STPG2: variants seen among roughly 807,000 people sequenced by gnomAD.
STPG2 encodes sperm-tail PG-rich repeat-containing protein 2.
Under a neutral mutation model 54.2 loss-of-function variants are expected in STPG2, and 56 were observed. The observed-to-expected ratio is 1.03, with a 90% CI of 0.83 to 1.29. The LOEUF is 1.29. Ranked by LOEUF, STPG2 falls within the 50% of genes most tolerant of loss-of-function variation. The pLI, the probability that STPG2 is intolerant of heterozygous loss-of-function variation, is 0.00. For synonymous variants in STPG2, 200 were observed against 181.8 expected (o/e 1.10, Z -0.81); for missense variants, 596 against 544.9 (o/e 1.09, Z -0.93).
At chr4:97,742,735 T>G in intron 9 of STPG2, among the ~76,000 whole-genome samples, 1 of 126,320 alleles carries the variant, frequency 7.9e-6, no homozygotes, top group East Asian at 2.3e-4. Context: ...AAAAACAGAG[T>G]AAAACAGTTG....
chr4:97,947,751 A>G (rs1436061316), intron 7 of STPG2, among the ~76,000 whole-genome samples: 1 of 152,088 alleles, frequency 6.6e-6, no homozygotes, highest in East Asian at 1.9e-4. Context: ...CCTTGAATGA[A>G]GCCCACTTGT....
At chr4:97,602,825 G>A (rs1733498678) in intron 10 of STPG2, among the ~76,000 whole-genome samples, 1 of 151,696 alleles carries the variant, frequency 6.6e-6, no homozygotes. Context: ...ATTGAGAGAA[G>A]TTAAAGTGCA....
chr4:97,758,898 C>G (rs991861076), intron 9 of STPG2, among the ~76,000 whole-genome samples: 1 of 149,568 alleles, frequency 6.7e-6, no homozygotes, highest in Non-Finnish European at 1.5e-5. Context: ...GATGGAAAAA[C>G]AGAAAAAAAA....
intron 10 of STPG2, among the ~76,000 whole-genome samples, chr4:97,623,204 G>C (rs1734057836): frequency 6.6e-6 from 1 of 151,996 alleles, no homozygotes; most frequent in Admixed American, 6.6e-5. Context: ...ATAGGACCTG[G>C]CAAAGATTTC....
intron 4 of STPG2, among the ~76,000 whole-genome samples, chr4:97,451,291 T>C (rs1056703023): frequency 1.3e-5 from 2 of 152,100 alleles, no homozygotes; most frequent in Non-Finnish European, 2.9e-5. Flanking sequence ...GACAGAAATA[T>C]GCCCATTATA....
chr4:97,663,432 TTTA>T (rs1722430123), intron 10 of STPG2, among the ~76,000 whole-genome samples: 1 of 152,208 alleles, frequency 6.6e-6, no homozygotes, highest in African/African-American at 2.4e-5. Flanking sequence ...CTAAAATTTG[TTTA>T]TAAGAGAAAA....
At chr4:97,560,979 C>A (rs1172894195) in intron 10 of STPG2, among the ~76,000 whole-genome samples, 1 of 152,132 alleles carries the variant, frequency 6.6e-6, no homozygotes, top group Admixed American at 6.5e-5. Context: ...AATGGGATGG[C>A]CGGGTCAAAT....
At chr4:97,879,058 C>T (rs1426711499) in intron 8 of STPG2, among the ~76,000 whole-genome samples, 2 of 152,160 alleles carry the variant, frequency 1.3e-5, no homozygotes, top group South Asian at 2.1e-4. Flanking sequence ...TAAAACATAG[C>T]AAGAGTCACC....
chr4:97,584,656 A>T (rs142060932), intron 10 of STPG2, among the ~76,000 whole-genome samples: 76 of 152,142 alleles, frequency 5.0e-4, no homozygotes, highest in Non-Finnish European at 9.6e-4. Context: ...AAAACAGAGA[A>T]GATCCAAATA....
intron 10 of STPG2, among the ~76,000 whole-genome samples, chr4:97,579,760 A>G (rs752238951): frequency 1.5e-4 from 23 of 151,992 alleles, no homozygotes; most frequent in Non-Finnish European, 3.2e-4. Context: ...ATGGAGCTTG[A>G]TTTTCTCTCA....
At chr4:97,911,521 G>T (rs986791838) in intron 8 of STPG2, among the ~76,000 whole-genome samples, 1 of 152,188 alleles carries the variant, frequency 6.6e-6, no homozygotes, top group Non-Finnish European at 1.5e-5. Context: ...AGTCTGGGTG[G>T]TCCAGATTGG....
At chr4:98,073,634 G>C (rs1255346069) in intron 5 of STPG2, among the ~76,000 whole-genome samples, 2 of 152,140 alleles carry the variant, frequency 1.3e-5, no homozygotes, top group African/African-American at 4.8e-5. Flanking sequence ...GGCTGAGACA[G>C]GAGAATTGCT....
At chr4:98,121,817 G>A (rs1739689538) in intron 3 of STPG2, among the ~76,000 whole-genome samples, 1 of 152,094 alleles carries the variant, frequency 6.6e-6, no homozygotes, top group Non-Finnish European at 1.5e-5. Context: ...CACCTCCAGG[G>A]TTCAAGCAAT....
intron 2 of STPG2, among the ~76,000 whole-genome samples, chr4:98,130,196 G>C (rs935090590): frequency 1.4e-5 from 2 of 144,076 alleles, no homozygotes; most frequent in Non-Finnish European, 3.0e-5. Context: ...GAGGGCGGGG[G>C]ACAAAGTCTC....
chr4:98,042,219 T>TG (rs1051374025), intron 5 of STPG2, among the ~76,000 whole-genome samples: 1 of 125,070 alleles, frequency 8.0e-6, no homozygotes, highest in Non-Finnish European at 1.8e-5. Flanking sequence ...GGATTTTCTC[T>TG]GTTTTTTTTG....
At position 97,756,023 on chromosome 4, in the gene STPG2, T is replaced by A. The variant is rs145955223; in HGVS notation, c.1205-43209A>T. On this transcript the variant is annotated intron_variant, in intron 9 of 10. Coordinates refer to ENST00000295268, the MANE Select transcript of STPG2 (RefSeq NM_174952.3). The stretch of plus-strand genomic sequence containing the variant: ...CTTCCGATTGGACCAATCAAAATTA[T>A]CTATCTTTCTGATTGTTTCTAACTC... 5.0e-3 allele frequency among the ~76,000 whole-genome samples: 755 copies of A among 152,254 alleles called. 4 individuals are homozygous for A. Among genetic ancestry groups the A allele is most frequent in the Non-Finnish European group, 7.9e-3 (536 of 68,002 alleles).
At chr4:97,698,944 G>T (rs931871587) in intron 10 of STPG2, among the ~76,000 whole-genome samples, 2 of 152,254 alleles carry the variant, frequency 1.3e-5, no homozygotes, top group Admixed American at 6.5e-5. Flanking sequence ...CCATGACAGT[G>T]GATAAGGCAT....
At chr4:98,010,820 T>A (rs1735722678) in intron 5 of STPG2, among the ~76,000 whole-genome samples, 1 of 152,174 alleles carries the variant, frequency 6.6e-6, no homozygotes, top group Non-Finnish European at 1.5e-5. Flanking sequence ...GTAGTTATCA[T>A]GAGGCTTACA....
At chr4:97,981,455 A>G in intron 5 of STPG2, 137 bp from the exon 6 acceptor site, 1 of 866,884 alleles carries the variant, frequency 1.2e-6, no homozygotes. Context: ...ATGTAGATGA[A>G]CTAAGATCTT....
Sources: gnomAD v4.1 joint callset for allele counts (sites outside exome capture counted in the v4.1 genomes callset) on GRCh38, gnomAD v4.1.1 for gene constraint, MANE v1.5 for transcripts, NCBI Gene and HGNC (gene_info 2026-07-23, HGNC 2026-07-21) for gene names.